GPM6A: variants seen among roughly 807,000 people sequenced by gnomAD.
GPM6A encodes the protein neuronal membrane glycoprotein M6-a.
In GPM6A, 7 loss-of-function variants were observed where a neutral mutation model predicts 32.1. That is an observed-to-expected ratio of 0.22 (90% confidence interval 0.12 to 0.41). The LOEUF is 0.41. Among genes scored for constraint, GPM6A ranks in the 10% least tolerant of loss-of-function variants. GPM6A has a pLI of 1.00. For synonymous variants in GPM6A, 130 were observed against 123.4 expected, an observed-to-expected ratio of 1.05 and a Z score of -0.35; for missense variants, 235 against 347.2, an observed-to-expected ratio of 0.68 and a Z score of 2.57.
chr4:175,880,835 G>C (rs998961237), intron 1 of GPM6A, among the ~76,000 whole-genome samples: 8 of 152,030 alleles, frequency 5.3e-5, no homozygotes, highest in African/African-American at 1.9e-4. Flanking sequence ...CTGCAAACAG[G>C]GACAATTTGA....
intron 1 of GPM6A, among the ~76,000 whole-genome samples, chr4:175,980,325 C>T (rs935404996): frequency 6.6e-6 from 1 of 152,132 alleles, no homozygotes; most frequent in South Asian, 2.1e-4. Context: ...CCACTGCACT[C>T]CACCCTGGGC....
intron 1 of GPM6A, among the ~76,000 whole-genome samples, chr4:175,771,727 T>G (rs1266865888): frequency 6.6e-6 from 1 of 152,150 alleles, no homozygotes; most frequent in Admixed American, 6.6e-5. Context: ...ATTTTATTTA[T>G]TCATTAATTC....
At chr4:175,653,028 A>T (rs1053786432) in intron 3 of GPM6A, among the ~76,000 whole-genome samples, 1 of 152,124 alleles carries the variant, frequency 6.6e-6, no homozygotes, top group Non-Finnish European at 1.5e-5. Flanking sequence ...CCTCTTATTC[A>T]ACCCTATTCA....
chr4:175,858,175 T>A (rs1371728422), intron 1 of GPM6A, among the ~76,000 whole-genome samples: 1 of 152,092 alleles, frequency 6.6e-6, no homozygotes, highest in Non-Finnish European at 1.5e-5. Flanking sequence ...GAGCTCAACA[T>A]TATAAGTTAT....
chr4:175,813,008 T>C (rs1734989342), upstream of GPM6A: 1 of 984,344 alleles, frequency 1.0e-6, no homozygotes, highest in Non-Finnish European at 1.2e-6. Context: ...AAGGAGTGAG[T>C]ATAAAGCTCT....
chr4:175,689,642 G>A (rs1212695760), intron 2 of GPM6A, among the ~76,000 whole-genome samples: 7 of 152,108 alleles, frequency 4.6e-5, no homozygotes, highest in Non-Finnish European at 8.8e-5. Flanking sequence ...ATTGTTCTAT[G>A]GTGTAATTCA....
intron 1 of GPM6A, among the ~76,000 whole-genome samples, chr4:175,850,816 C>T (rs1736229746): frequency 6.7e-6 from 1 of 150,144 alleles, no homozygotes; most frequent in Admixed American, 6.7e-5. Context: ...TATGTATTTA[C>T]ATTTTTCGTA....
chr4:175,661,626 G>A (rs1465401078), intron 3 of GPM6A, among the ~76,000 whole-genome samples: 2 of 152,074 alleles, frequency 1.3e-5, no homozygotes, highest in Non-Finnish European at 2.9e-5. Context: ...CCTCCATTGT[G>A]ACCTTCAGAA....
At position 175,651,114 on chromosome 4, in the gene GPM6A, C is replaced by T. The variant is rs542887450; in HGVS notation, c.541+720G>A. Among the ~76,000 whole-genome samples, 6 of 152,234 alleles carry T rather than the reference C, an allele frequency of 3.9e-5. No homozygotes were observed. The South Asian group carries it at 1.2e-3, about 32-fold the overall frequency. On this transcript the variant is annotated intron_variant, in intron 4 of 6. Transcript: ENST00000393658. The stretch of plus-strand genomic sequence containing the variant: ...GCCCGTGTTTGAATCCTATCTCTGT[C>T]AGTTGCTAGCTGTATAAACTTGGAT...
chr4:175,801,779 A>C (rs571522548), intron 1 of GPM6A, among the ~76,000 whole-genome samples: 1 of 152,256 alleles, frequency 6.6e-6, no homozygotes, highest in South Asian at 2.1e-4. Context: ...ATTTAAAAGA[A>C]GATAGAGTAG....
chr4:175,664,521 T>A (rs1188990439), intron 3 of GPM6A, among the ~76,000 whole-genome samples: 1 of 152,224 alleles, frequency 6.6e-6, no homozygotes, highest in Non-Finnish European at 1.5e-5. Context: ...AGTTAACTTT[T>A]AAAAACTAAC....
At chr4:175,718,909 T>G (rs1156304660) in intron 1 of GPM6A, among the ~76,000 whole-genome samples, 1 of 152,116 alleles carries the variant, frequency 6.6e-6, no homozygotes, top group South Asian at 2.1e-4. Flanking sequence ...TAAATACTGA[T>G]TATGAATTCA....
Position 175,789,672 on chromosome 4 carries a change from G to A in GPM6A, c.37+22519C>T, listed in dbSNP as rs527733122. Among the ~76,000 whole-genome samples the A allele has an allele frequency of 8.5e-5, 13 of 152,116 alleles. 1 individual carries two copies. In the Middle Eastern group the frequency reaches 0.02, roughly 239 times the overall value. On this transcript the variant is annotated intron_variant, in intron 1 of 6. Transcript: ENST00000393658. Reference sequence around the variant, plus strand: ...GTCTTTATGTTAACAGTTATCTACCGGCCAAAGGAAGGGAGTTAAAATATA... The same window carrying A: ...GTCTTTATGTTAACAGTTATCTACCAGCCAAAGGAAGGGAGTTAAAATATA...
At chr4:175,923,675 T>G (rs941703919) in intron 1 of GPM6A, among the ~76,000 whole-genome samples, 1 of 152,022 alleles carries the variant, frequency 6.6e-6, no homozygotes, top group African/African-American at 2.4e-5. Flanking sequence ...CACCTCAGCC[T>G]CCCAAGTAGC....
chr4:175,912,712 C>T (rs560320674), intron 1 of GPM6A, among the ~76,000 whole-genome samples: 73 of 152,146 alleles, frequency 4.8e-4, no homozygotes, highest in African/African-American at 1.7e-3. Flanking sequence ...TTTCAAAAGA[C>T]CATATTGTCT....
At chr4:175,750,137 C>A (rs1172271961) in intron 1 of GPM6A, among the ~76,000 whole-genome samples, 1 of 152,078 alleles carries the variant, frequency 6.6e-6, no homozygotes, top group Non-Finnish European at 1.5e-5. Context: ...CGGCTCACTG[C>A]AACCTCTGCC....
intron 1 of GPM6A, among the ~76,000 whole-genome samples, chr4:175,825,434 T>C (rs2111356318): frequency 6.6e-6 from 1 of 152,324 alleles, no homozygotes; most frequent in African/African-American, 2.4e-5. Flanking sequence ...ATAGGGCAAG[T>C]CCATGAACAC....
intron 1 of GPM6A, chr4:175,781,280 G>C (rs1036401513): frequency 6.6e-6 from 1 of 152,226 alleles, no homozygotes; most frequent in African/African-American, 2.4e-5. Context: ...GGAATCCCAG[G>C]TGGTCTGTTT....
At chr4:175,783,483 A>G (rs1239797031) in intron 1 of GPM6A, among the ~76,000 whole-genome samples, 1 of 151,938 alleles carries the variant, frequency 6.6e-6, no homozygotes, top group African/African-American at 2.4e-5. Context: ...TTAACATACA[A>G]CTTAAAACAA....
Sources: gnomAD v4.1 joint callset for allele counts (sites outside exome capture counted in the v4.1 genomes callset) on GRCh38, gnomAD v4.1.1 for gene constraint, MANE v1.5 for transcripts, NCBI Gene and HGNC (gene_info 2026-07-23, HGNC 2026-07-21) for gene names.